Variants in FSTL4 observed in about 807,000 individuals in gnomAD.
The protein encoded by FSTL4 is follistatin-related protein 4.
In FSTL4, 28 loss-of-function variants were observed where a neutral mutation model predicts 78.2. That is an observed-to-expected ratio of 0.36 (90% CI 0.27 to 0.49). The LOEUF is 0.49. FSTL4 is among the 20% of genes least tolerant of loss of function. FSTL4 has a pLI of 0.98. For missense variants in FSTL4, 922 were observed against 1,084.9 expected (o/e 0.85, Z 2.11); for synonymous variants, 422 against 440.5 (o/e 0.96, Z 0.53).
rs369652665 is a variant in FSTL4 at position 133,561,090 on chromosome 5, AAATAATAATAATAAT to A, written c.160+6081_160+6095del. Among the ~76,000 whole-genome samples, 515 of 131,234 alleles carry A rather than the reference AAATAATAATAATAAT, an allele frequency of 3.9e-3. 5 individuals are homozygous for A. The highest frequency in any genetic ancestry group is 9.0e-3 in the African/African-American group (318 of 35,170). The allele number at this position is 131,234 out of a possible 152,430, so 86.1% of individuals were successfully genotyped here. Reference sequence around the variant, plus strand: ...GGTGACTGAGTGACACTCGGACTCAAAATAATAATAATAATAATAATAATAATAATAATAATAATA... The same window carrying A: ...GGTGACTGAGTGACACTCGGACTCAAAATAATAATAATAATAATAATAATA... On this transcript the variant is annotated intron_variant, in intron 3 of 15. Coordinates refer to ENST00000265342, the MANE Select transcript of FSTL4 (RefSeq NM_015082.2).
At chr5:133,691,914 C>T in the FSTL4 span, among the ~76,000 whole-genome samples, 1 of 152,134 alleles carries the variant, frequency 6.6e-6, no homozygotes, top group African/African-American at 2.4e-5. Context: ...TTACTGAACA[C>T]CTACCATGTG....
intron 3 of FSTL4, among the ~76,000 whole-genome samples, chr5:133,419,070 G>T (rs1014260850): frequency 3.3e-5 from 5 of 152,156 alleles, no homozygotes; most frequent in African/African-American, 9.7e-5. Context: ...AGAATACATC[G>T]ATAGGTTTTA....
chr5:133,371,153 A>ACTC (rs1409280470), intron 4 of FSTL4, among the ~76,000 whole-genome samples: 1 of 152,102 alleles, frequency 6.6e-6, no homozygotes, highest in Non-Finnish European at 1.5e-5. Context: ...GGTCCCGAGG[A>ACTC]CTCAGAGGGT....
chr5:133,321,118 A>C (rs1325339954), intron 4 of FSTL4, among the ~76,000 whole-genome samples: 2 of 152,072 alleles, frequency 1.3e-5, no homozygotes, highest in Non-Finnish European at 2.9e-5. Context: ...CTGCCCAGCA[A>C]TTCCACACAG....
In FSTL4 at chr5:133,563,137, C is replaced by T. The variant is rs113418674; in HGVS notation, c.160+4049G>A. 3.7e-3 allele frequency among the ~76,000 whole-genome samples: 569 copies of T among 152,284 alleles called. 4 individuals carry two copies. The highest frequency in any genetic ancestry group is 0.013 in the African/African-American group (546 of 41,546). The stretch of plus-strand genomic sequence containing the variant: ...AATATCCAGGGTCATACGGAACTGT[C>T]CTGAAGGAGGAATGGCTCTGTCTCC... On this transcript the variant is annotated intron_variant, in intron 3 of 15. Transcript: ENST00000265342.
chr5:133,551,227 T>C (rs1417009934), intron 3 of FSTL4, among the ~76,000 whole-genome samples: 2 of 152,166 alleles, frequency 1.3e-5, no homozygotes, highest in Non-Finnish European at 2.9e-5. Context: ...CTGTTTACGA[T>C]ACTTGGGGGA....
chr5:133,334,440 A>T (rs1038755536), intron 4 of FSTL4, among the ~76,000 whole-genome samples: 1 of 152,016 alleles, frequency 6.6e-6, no homozygotes, highest in Non-Finnish European at 1.5e-5. Context: ...AGGCCACCTG[A>T]GTAGTGGGTA....
intron 12 of FSTL4, among the ~76,000 whole-genome samples, chr5:133,218,374 T>A (rs1750983292): frequency 1.3e-5 from 2 of 152,164 alleles, no homozygotes; most frequent in Admixed American, 6.5e-5. Flanking sequence ...CCGTGTATGC[T>A]CCTGGATTCC....
chr5:133,600,341 G>C (rs888973224), intron 2 of FSTL4, among the ~76,000 whole-genome samples: 1 of 151,446 alleles, frequency 6.6e-6, no homozygotes, highest in Non-Finnish European at 1.5e-5. Flanking sequence ...ATACATTTTC[G>C]ACCTATGATA....
At chr5:133,333,730 G>A (rs1283456773) in intron 4 of FSTL4, among the ~76,000 whole-genome samples, 3 of 152,246 alleles carry the variant, frequency 2.0e-5, no homozygotes, top group Non-Finnish European at 4.4e-5. Flanking sequence ...CACACCCAGC[G>A]AGGGCATCTC....
chr5:133,307,374 G>A (rs2126883539), intron 6 of FSTL4, among the ~76,000 whole-genome samples: 1 of 152,292 alleles, frequency 6.6e-6, no homozygotes, highest in Admixed American at 6.5e-5. Flanking sequence ...CAGATGTGTT[G>A]CAAAGTTTGT....
chr5:133,256,809 A>G (rs1752391926), intron 6 of FSTL4, among the ~76,000 whole-genome samples: 1 of 152,182 alleles, frequency 6.6e-6, no homozygotes, highest in Non-Finnish European at 1.5e-5. Context: ...ACCAGATTCA[A>G]TCTTCCTGCC....
chr5:133,413,963 C>T (rs947294867), intron 3 of FSTL4, among the ~76,000 whole-genome samples: 18 of 151,884 alleles, frequency 1.2e-4, no homozygotes, highest in African/African-American at 3.9e-4. Context: ...ATTTTATATT[C>T]GGTATCATTT....
intron 3 of FSTL4, among the ~76,000 whole-genome samples, chr5:133,521,420 A>G (rs1758979337): frequency 6.6e-6 from 1 of 152,096 alleles, no homozygotes; most frequent in Non-Finnish European, 1.5e-5. Flanking sequence ...TTTGGGTTGC[A>G]TTTTTGTCAC....
intron 3 of FSTL4, among the ~76,000 whole-genome samples, chr5:133,401,979 A>G (rs998540402): frequency 6.6e-6 from 1 of 152,076 alleles, no homozygotes; most frequent in African/African-American, 2.4e-5. Context: ...GCATAAGAAG[A>G]AAGTCATGCT....
intron 3 of FSTL4, among the ~76,000 whole-genome samples, chr5:133,450,625 C>T (rs750636839): frequency 1.3e-5 from 2 of 152,242 alleles, no homozygotes; most frequent in Non-Finnish European, 2.9e-5. Context: ...GTTTAAATAA[C>T]GGTGGTTTAA....
intron 3 of FSTL4, among the ~76,000 whole-genome samples, chr5:133,529,177 A>C (rs926933925): frequency 5.3e-5 from 8 of 152,230 alleles, no homozygotes; most frequent in Admixed American, 4.6e-4. Context: ...CATTGTGTGA[A>C]GCCACTGAAA....
At chr5:133,616,391 A>G (rs1488064669), upstream of FSTL4, among the ~76,000 whole-genome samples, 2 of 151,296 alleles carry the variant, frequency 1.3e-5, no homozygotes, top group East Asian at 1.9e-4. Context: ...GGGAGCTTCC[A>G]TTCTTTCTTT....
chr5:133,504,881 A>C (rs575404066), intron 3 of FSTL4, among the ~76,000 whole-genome samples: 46 of 152,294 alleles, frequency 3.0e-4, no homozygotes, highest in Admixed American at 1.8e-3. Context: ...TTACTGGTAC[A>C]ATTATTTGTT....
Sources: gnomAD v4.1 joint callset for allele counts (sites outside exome capture counted in the v4.1 genomes callset) on GRCh38, gnomAD v4.1.1 for gene constraint, MANE v1.5 for transcripts, NCBI Gene and HGNC (gene_info 2026-07-23, HGNC 2026-07-21) for gene names.